The following SYTL5 variants were observed in gnomAD, a reference collection of about 807,000 sequenced individuals.
SYTL5 encodes synaptotagmin like 5.
A neutral mutation model predicts 55.9 loss-of-function variants in SYTL5; 34 were observed. That is an observed-to-expected ratio of 0.61 (90% CI 0.46 to 0.81). The LOEUF is 0.81. SYTL5 is among the 30% of genes least tolerant of loss of function. The pLI, the probability that SYTL5 is intolerant of heterozygous loss-of-function variation, is 0.00. For synonymous variants in SYTL5, 221 were observed against 188.7 expected, an observed-to-expected ratio of 1.17 and a Z score of -1.40; for missense variants, 637 against 546.7, an observed-to-expected ratio of 1.17 and a Z score of -1.65.
chrX:37,933,233 A>G, the SYTL5 span, among the ~76,000 whole-genome samples: 1 of 112,150 alleles, frequency 8.9e-6, no homozygotes, highest in African/African-American at 3.2e-5. Context: ...CATTTTCAGA[A>G]CTCTGGAAAT....
chrX:38,000,554 G>C, the SYTL5 span, among the ~76,000 whole-genome samples: 4 of 112,000 alleles, frequency 3.6e-5, no homozygotes, highest in African/African-American at 1.3e-4. Flanking sequence ...AATGTTTACA[G>C]ATGAAGCCTC....
the SYTL5 span, among the ~76,000 whole-genome samples, chrX:37,931,185 TG>T: frequency 1.8e-5 from 2 of 112,123 alleles, no homozygotes; most frequent in Non-Finnish European, 3.8e-5. Context: ...TGTATCCATT[TG>T]GTATTTAATG....
the SYTL5 span, among the ~76,000 whole-genome samples, chrX:37,920,500 T>G: frequency 9.0e-6 from 1 of 110,956 alleles, no homozygotes; most frequent in East Asian, 2.8e-4. Flanking sequence ...TACATTTCTA[T>G]ATTTTTTCTG....
At chrX:37,973,508 A>G in the SYTL5 span, among the ~76,000 whole-genome samples, 1 of 112,041 alleles carries the variant, frequency 8.9e-6, no homozygotes, top group African/African-American at 3.2e-5. Flanking sequence ...AAGTTTGTTA[A>G]GAGAACTCTG....
At chrX:37,948,428 ATATAT>A in the SYTL5 span, among the ~76,000 whole-genome samples, 8 of 110,397 alleles carry the variant, frequency 7.2e-5, no homozygotes, top group African/African-American at 2.6e-4. Flanking sequence ...TTATAAAATT[ATATAT>A]TATATTATGA....
the SYTL5 span, among the ~76,000 whole-genome samples, chrX:37,940,971 T>C: frequency 1.4e-4 from 16 of 111,477 alleles, no homozygotes; most frequent in Admixed American, 1.3e-3. Context: ...GGGCTTACTG[T>C]AGAGGGATTT....
intron 2 of SYTL5, among the ~76,000 whole-genome samples, chrX:38,036,121 C>T (rs113968277): frequency 9.1e-6 from 1 of 109,786 alleles, no homozygotes; most frequent in Non-Finnish European, 1.9e-5. Flanking sequence ...GCCTGGCCAA[C>T]ATGGCGAAAC....
intron 7 of SYTL5, among the ~76,000 whole-genome samples, chrX:38,093,748 A>G (rs1357507953): frequency 9.0e-6 from 1 of 111,086 alleles, no homozygotes; most frequent in Non-Finnish European, 1.9e-5. Context: ...AACATTGGTA[A>G]GTACCATGCA....
At chrX:37,919,083 C>T in the SYTL5 span, among the ~76,000 whole-genome samples, 18 of 110,706 alleles carry the variant, frequency 1.6e-4, no homozygotes, top group South Asian at 3.5e-3. Flanking sequence ...CTCAACTTCC[C>T]GATCCCCTGA....
At chrX:38,114,983 A>G (rs1483204479) in intron 13 of SYTL5, among the ~76,000 whole-genome samples, 1 of 112,238 alleles carries the variant, frequency 8.9e-6, no homozygotes, top group African/African-American at 3.2e-5. Context: ...GCTTATTTTA[A>G]TTAACATAAT....
Position 38,126,697 on chromosome X carries a change from G to A in SYTL5, c.2160G>A (p.Met720Ile), listed in dbSNP as rs775371579. The A allele has an allele frequency of 8.3e-6, 10 of 1,209,889 alleles. No individual in the cohort carries two copies. The highest frequency in any genetic ancestry group is 1.1e-5 in the Non-Finnish European group (10 of 894,707). Residue 720 changes from methionine (M) to isoleucine (I), a missense_variant, in exon 17 of 17, where the codon ATG becomes ATA. Met to Ile is a conservative substitution (Grantham distance 10, BLOSUM62 1). Transcript: ENST00000297875. The stretch of plus-strand genomic sequence containing the variant: ...GAACTCCCTTTGAGGGTGTACTCAT[G>A]CTTCGTTCCAGCATGGGAAAATGTA... Reference protein sequence around the residue: ...NPGTPFEGVLMLRSSMGKCRL With the variant: ...NPGTPFEGVLILRSSMGKCRL
At chrX:37,981,240 G>A in the SYTL5 span, among the ~76,000 whole-genome samples, 1 of 112,277 alleles carries the variant, frequency 8.9e-6, no homozygotes, top group Non-Finnish European at 1.9e-5. Flanking sequence ...TAAGCCGACT[G>A]CTTTGCTGGA....
the SYTL5 span, among the ~76,000 whole-genome samples, chrX:37,932,508 A>G: frequency 8.9e-6 from 1 of 111,751 alleles, no homozygotes; most frequent in East Asian, 2.8e-4. Flanking sequence ...GAAAAGGAGA[A>G]CAAATAAACA....
At chrX:37,933,844 T>C in the SYTL5 span, among the ~76,000 whole-genome samples, 2 of 111,269 alleles carry the variant, frequency 1.8e-5, no homozygotes, top group African/African-American at 6.5e-5. Flanking sequence ...CAAGGTGCTC[T>C]GCAAATAGGA....
intron 13 of SYTL5, among the ~76,000 whole-genome samples, chrX:38,114,429 G>A (rs1161702098): frequency 1.8e-5 from 2 of 111,812 alleles, no homozygotes; most frequent in African/African-American, 6.5e-5. Context: ...TGAACTTTCT[G>A]TATAGTAGAA....
chrX:38,092,288 G>A (rs1198702821), intron 7 of SYTL5, among the ~76,000 whole-genome samples: 1 of 111,639 alleles, frequency 9.0e-6, no homozygotes, highest in Non-Finnish European at 1.9e-5. Context: ...TTGCTCACAC[G>A]ATTATAAGAC....
the SYTL5 span, among the ~76,000 whole-genome samples, chrX:37,967,473 C>G: frequency 8.9e-6 from 1 of 112,006 alleles, no homozygotes; most frequent in Non-Finnish European, 1.9e-5. Context: ...TCTTCTGCTA[C>G]TTTCAAAATG....
In SYTL5 at chrX:38,127,505, A is replaced by G; in HGVS notation, c.*775A>G. 8.9e-6 allele frequency: 1 copy of G among 111,904 alleles called. No individual in the cohort carries two copies. The highest frequency in any genetic ancestry group is 1.9e-5 in the Non-Finnish European group (1 of 53,226). The allele number at this position is 111,904 out of a possible 1,213,427, so 9.2% of individuals were successfully genotyped here. A position where few individuals can be genotyped will look rare whatever the true frequency, so the allele number is the denominator to read the frequency against. On this transcript the variant is annotated 3_prime_UTR_variant, in exon 17 of 17. Coordinates refer to ENST00000297875, the MANE Select transcript of SYTL5 (RefSeq NM_138780.3). ...AAATGAGATATAATGGTCAATTGATATACCTTTTCACATTGTGTTCACTGA... is the reference window on the plus strand; with the variant it reads ...AAATGAGATATAATGGTCAATTGATGTACCTTTTCACATTGTGTTCACTGA...
At chrX:38,059,822 T>C (rs887024116) in intron 3 of SYTL5, among the ~76,000 whole-genome samples, 1 of 111,788 alleles carries the variant, frequency 8.9e-6, no homozygotes, top group Non-Finnish European at 1.9e-5. Flanking sequence ...ACTGATTTGC[T>C]AGTCCTCAAC....
Sources: allele counts gnomAD v4.1 joint callset (sites outside exome capture counted in the v4.1 genomes callset), GRCh38; gene constraint gnomAD v4.1.1; transcripts MANE v1.5; gene names NCBI Gene and HGNC (gene_info 2026-07-23, HGNC 2026-07-21).